The following TENM4 variants were observed in gnomAD, a reference collection of about 807,000 sequenced individuals.
TENM4 encodes teneurin-4.
Under a neutral mutation model 243.3 loss-of-function variants are expected in TENM4, and 82 were observed. That is an observed-to-expected ratio of 0.34 (90% CI 0.28 to 0.40). The LOEUF is 0.40. Among genes scored for constraint, TENM4 ranks in the 10% least tolerant of loss-of-function variants. TENM4 has a pLI of 1.00. For missense variants in TENM4, 3,138 were observed against 3,673.3 expected (o/e 0.85, Z 3.77); for synonymous variants, 1,412 against 1,456.3 (o/e 0.97, Z 0.69).
intron 1 of TENM4, among the ~76,000 whole-genome samples, chr11:79,413,529 G>A (rs1486480621): frequency 6.6e-6 from 1 of 152,188 alleles, no homozygotes; most frequent in East Asian, 1.9e-4. Context: ...GACCTTCACG[G>A]CCAGCCCCTA....
intron 1 of TENM4, among the ~76,000 whole-genome samples, chr11:79,392,692 G>C (rs1858261099): frequency 6.6e-6 from 1 of 152,184 alleles, no homozygotes; most frequent in Non-Finnish European, 1.5e-5. Context: ...CTATCTACTT[G>C]CTGTGCAACT....
chr11:79,389,154 T>C (rs948782154), intron 1 of TENM4, among the ~76,000 whole-genome samples: 2 of 152,152 alleles, frequency 1.3e-5, no homozygotes, highest in African/African-American at 2.4e-5. Context: ...GGGGTTTTTT[T>C]AGTCTGTTTG....
intron 28 of TENM4, among the ~76,000 whole-genome samples, chr11:78,693,785 G>C (rs1378795111): frequency 1.3e-5 from 2 of 152,148 alleles, no homozygotes; most frequent in African/African-American, 4.8e-5. Context: ...AGGCCAAGGG[G>C]GGTGGATCAC....
intron 18 of TENM4, among the ~76,000 whole-genome samples, chr11:78,769,595 A>G (rs554959280): frequency 5.9e-4 from 90 of 152,338 alleles, no homozygotes; most frequent in Non-Finnish European, 1.1e-3. Flanking sequence ...GAGCACAAAA[A>G]TTAATGAACT....
At chr11:78,827,538 G>A (rs945249393) in intron 12 of TENM4, among the ~76,000 whole-genome samples, 1 of 151,942 alleles carries the variant, frequency 6.6e-6, no homozygotes, top group African/African-American at 2.4e-5. Context: ...TGGCCAGGCT[G>A]GAATGCAATC....
intron 4 of TENM4, among the ~76,000 whole-genome samples, chr11:79,079,787 G>C (rs11600386): frequency 0.19 from 27,986 of 147,488 alleles, 3,098 homozygotes; most frequent in Non-Finnish European, 0.25. Context: ...AGCTGACATC[G>C]AGCCGCTGCA....
intron 12 of TENM4, among the ~76,000 whole-genome samples, chr11:78,838,855 C>T (rs1022786182): frequency 6.6e-6 from 1 of 152,220 alleles, no homozygotes; most frequent in Non-Finnish European, 1.5e-5. Flanking sequence ...AACTCCTTCT[C>T]TGTGTCTTAT....
At chr11:79,064,615 A>G in intron 6 of TENM4, 123 bp downstream of exon 6, 1 of 1,315,616 alleles carries the variant, frequency 7.6e-7, no homozygotes, top group Non-Finnish European at 1.0e-6. Context: ...TTGACCCCTG[A>G]GAGTAAAGCA....
chr11:79,164,489 A>T (rs1051272013), intron 3 of TENM4, among the ~76,000 whole-genome samples: 2 of 125,974 alleles, frequency 1.6e-5, no homozygotes, highest in South Asian at 3.1e-4. Flanking sequence ...TAGTGTATAC[A>T]TATAGTGTAT....
intron 2 of TENM4, among the ~76,000 whole-genome samples, chr11:79,223,876 A>G: frequency 6.6e-6 from 1 of 152,136 alleles, no homozygotes; most frequent in Admixed American, 6.5e-5. Flanking sequence ...CTGTGCGTCA[A>G]TTATTTCTGG....
At chr11:79,227,840 G>A (rs1193516523) in intron 2 of TENM4, among the ~76,000 whole-genome samples, 1 of 152,198 alleles carries the variant, frequency 6.6e-6, no homozygotes, top group East Asian at 1.9e-4. Context: ...TGAAACTGAG[G>A]CAGACCAAGA....
chr11:79,221,527 T>A (rs1426534932), intron 2 of TENM4, among the ~76,000 whole-genome samples: 1 of 150,132 alleles, frequency 6.7e-6, no homozygotes, highest in Non-Finnish European at 1.5e-5. Context: ...GAAGAGCATC[T>A]CCTTCAGAGA....
intron 20 of TENM4, among the ~76,000 whole-genome samples, chr11:78,736,783 A>T (rs1855808911): frequency 6.6e-6 from 1 of 152,182 alleles, no homozygotes; most frequent in South Asian, 2.1e-4. Flanking sequence ...GTTGGGAAGA[A>T]AATTTGAGCC....
At chr11:78,997,533 C>T (rs1425666654) in intron 6 of TENM4, among the ~76,000 whole-genome samples, 1 of 152,212 alleles carries the variant, frequency 6.6e-6, no homozygotes, top group Non-Finnish European at 1.5e-5. Flanking sequence ...AAGCACAGTG[C>T]CTCTCAGTAG....
rs1040862089 is a variant in TENM4 at position 79,214,636 on chromosome 11, C to T, written c.-163+1172G>A. On this transcript the variant is annotated intron_variant, in intron 3 of 33. Coordinates refer to ENST00000278550, the MANE Select transcript of TENM4 (RefSeq NM_001098816.3). Reference sequence around the variant, plus strand: ...TACTGTGGCAGGGGAAGTTACTGCTCCTAAAATATCCATGTCTTCCCACAC... The same window carrying T: ...TACTGTGGCAGGGGAAGTTACTGCTTCTAAAATATCCATGTCTTCCCACAC... Among the ~76,000 whole-genome samples, 7 of 152,198 alleles carry T rather than the reference C, an allele frequency of 4.6e-5. No homozygotes were observed. In the East Asian group the frequency reaches 1.2e-3, roughly 25 times the overall value.
At chr11:78,895,172 T>C (rs762105315) in intron 7 of TENM4, among the ~76,000 whole-genome samples, 1 of 151,364 alleles carries the variant, frequency 6.6e-6, no homozygotes, top group Non-Finnish European at 1.5e-5. Flanking sequence ...TGAAACCCTG[T>C]CTCTTACAAG....
chr11:79,384,615 T>C (rs910595802), intron 1 of TENM4, among the ~76,000 whole-genome samples: 18 of 152,158 alleles, frequency 1.2e-4, no homozygotes, highest in Admixed American at 3.9e-4. Context: ...TTAAAATGGA[T>C]GGTCAGCTTA....
chr11:79,135,185 G>A (rs1310350449), intron 4 of TENM4, among the ~76,000 whole-genome samples: 3 of 151,966 alleles, frequency 2.0e-5, no homozygotes, highest in South Asian at 2.1e-4. Context: ...GTGGGCTAAG[G>A]ACACGAACAG....
chr11:79,390,441 C>G (rs1858208596), intron 1 of TENM4, among the ~76,000 whole-genome samples: 1 of 152,210 alleles, frequency 6.6e-6, no homozygotes, highest in Admixed American at 6.5e-5. Flanking sequence ...GACAAGAGAA[C>G]AGAAAGAACC....
Sources: allele counts gnomAD v4.1 joint callset (sites outside exome capture counted in the v4.1 genomes callset), GRCh38; gene constraint gnomAD v4.1.1; transcripts MANE v1.5; gene names NCBI Gene and HGNC (gene_info 2026-07-23, HGNC 2026-07-21).